PGM5: variants seen among roughly 807,000 people sequenced by gnomAD.
PGM5 encodes phosphoglucomutase 5.
Under a neutral mutation model 59.2 loss-of-function variants are expected in PGM5, and 23 were observed. The observed-to-expected ratio is 0.39, with a 90% CI of 0.28 to 0.55. The LOEUF is 0.55. PGM5 is among the 20% of genes least tolerant of loss of function. PGM5 has a pLI of 0.66. For synonymous variants in PGM5, 214 were observed against 286.0 expected (o/e 0.75, Z 2.54); for missense variants, 574 against 748.3 (o/e 0.77, Z 2.72).
intron 6 of PGM5, among the ~76,000 whole-genome samples, chr9:68,457,314 T>A (rs1223425465): frequency 1.3e-5 from 2 of 152,176 alleles, no homozygotes; most frequent in East Asian, 3.8e-4. Flanking sequence ...GACAGTGAGG[T>A]CCCTGTGGCC....
chr9:68,422,745 G>T lies in PGM5; in HGVS notation c.1043+30272G>T, dbSNP rs540587502. Among the ~76,000 whole-genome samples, 7 of 152,236 alleles carry T rather than the reference G, an allele frequency of 4.6e-5. No individual in the cohort carries two copies. In the South Asian group the frequency reaches 1.4e-3, roughly 32 times the overall value. ...AATTAAAAAAATTTTTTTCCCATAG[G>T]TTATTGGGAAACAGGTGGTGTTTGG... is the stretch of plus-strand genomic sequence containing the variant. On this transcript the variant is annotated intron_variant, in intron 6 of 10. Transcript: ENST00000396396.
chr9:68,461,356 A>T (rs1823856023), intron 6 of PGM5, among the ~76,000 whole-genome samples: 1 of 152,192 alleles, frequency 6.6e-6, no homozygotes, highest in African/African-American at 2.4e-5. Context: ...GCCACAGCTA[A>T]TTTCAAGGGA....
At chr9:68,517,913 A>G (rs1824846245) in intron 10 of PGM5, among the ~76,000 whole-genome samples, 1 of 152,232 alleles carries the variant, frequency 6.6e-6, no homozygotes, top group Admixed American at 6.5e-5. Flanking sequence ...AAAATGAGCC[A>G]AAGCTCTTTC....
intron 6 of PGM5, among the ~76,000 whole-genome samples, chr9:68,453,592 C>T (rs573387201): frequency 5.1e-4 from 78 of 152,362 alleles, no homozygotes; most frequent in Non-Finnish European, 7.3e-4. Context: ...CCTCCTTGGC[C>T]TCCCAAAGTG....
chr9:68,520,260 G>C (rs1379532823), intron 10 of PGM5, among the ~76,000 whole-genome samples: 3 of 150,974 alleles, frequency 2.0e-5, no homozygotes, highest in Admixed American at 1.3e-4. Flanking sequence ...CATTGCTAAA[G>C]ATAAAGAGAG....
At chr9:68,489,128 A>C (rs1412867278) in intron 9 of PGM5, among the ~76,000 whole-genome samples, 1 of 152,158 alleles carries the variant, frequency 6.6e-6, no homozygotes, top group African/African-American at 2.4e-5. Context: ...GTCTCTTACT[A>C]TGATCTTTTC....
chr9:68,431,054 C>T (rs547897081), intron 6 of PGM5, among the ~76,000 whole-genome samples: 66 of 152,288 alleles, frequency 4.3e-4, no homozygotes, highest in African/African-American at 1.5e-3. Context: ...CACCAAGTTT[C>T]AGGGCAGTGT....
intron 6 of PGM5, among the ~76,000 whole-genome samples, chr9:68,393,548 C>A (rs1187364352): frequency 6.6e-6 from 1 of 151,954 alleles, no homozygotes; most frequent in Non-Finnish European, 1.5e-5. Context: ...GAATTCAAGA[C>A]CAGCCTGGAT....
At chr9:68,379,052 T>G (rs757518541) in intron 2 of PGM5, among the ~76,000 whole-genome samples, 6 of 152,196 alleles carry the variant, frequency 3.9e-5, no homozygotes, top group African/African-American at 1.2e-4. Flanking sequence ...ACCCAAATAT[T>G]TTTGTATGCA....
At chr9:68,479,723 A>T (rs1268988928) in intron 8 of PGM5, among the ~76,000 whole-genome samples, 170 bp downstream of exon 8, 1 of 152,166 alleles carries the variant, frequency 6.6e-6, no homozygotes, top group Non-Finnish European at 1.5e-5. Context: ...TCACGAGGTC[A>T]GGAGATCGAG....
chr9:68,405,155 C>T (rs1406546442), intron 6 of PGM5: 1 of 152,164 alleles, frequency 6.6e-6, no homozygotes, highest in African/African-American at 2.4e-5. Flanking sequence ...CAAGTCTTGA[C>T]TTTGGTTGGG....
intron 1 of PGM5, among the ~76,000 whole-genome samples, chr9:68,366,916 G>A (rs149485390): frequency 1.1e-3 from 166 of 152,332 alleles, no homozygotes; most frequent in African/African-American, 3.8e-3. Context: ...GATCATGTGT[G>A]TTTTTGTCCC....
At chr9:68,401,366 GCT>G (rs1822662573) in intron 6 of PGM5, among the ~76,000 whole-genome samples, 1 of 151,600 alleles carries the variant, frequency 6.6e-6, no homozygotes, top group Non-Finnish European at 1.5e-5. Flanking sequence ...TTGGAAGTCA[GCT>G]CTCTTTTATC....
At chr9:68,503,247 T>C (rs1824606599) in intron 10 of PGM5, among the ~76,000 whole-genome samples, 3 of 152,180 alleles carry the variant, frequency 2.0e-5, no homozygotes, top group Admixed American at 1.3e-4. Flanking sequence ...AATAAACCCA[T>C]CATAAGTTGA....
At chr9:68,415,050 A>G (rs1179036353) in intron 6 of PGM5, among the ~76,000 whole-genome samples, 1 of 149,166 alleles carries the variant, frequency 6.7e-6, no homozygotes, top group Non-Finnish European at 1.5e-5. Flanking sequence ...AGAAGGCACC[A>G]TGTTATGTGC....
At chr9:68,465,710 C>CT (rs1239133131) in intron 7 of PGM5, among the ~76,000 whole-genome samples, 2 of 152,124 alleles carry the variant, frequency 1.3e-5, no homozygotes, top group South Asian at 2.1e-4. Flanking sequence ...AAAACGTTTT[C>CT]TTTTTTTACA....
At chr9:68,387,397 T>C in intron 3 of PGM5, 66 bp from the exon 4 acceptor site, 1 of 1,342,628 alleles carries the variant, frequency 7.4e-7, no homozygotes, top group Non-Finnish European at 1.1e-6. Context: ...AGTGATTCTT[T>C]TTATGCTTCC....
rs117799777 is a variant in PGM5 at position 68,526,192 on chromosome 9, A to G, written c.1615-3375A>G. Among the ~76,000 whole-genome samples the G allele has an allele frequency of 4.1e-4, 62 of 152,330 alleles. 2 individuals are homozygous for G. The East Asian group carries it at 0.012, about 29-fold the overall frequency. On this transcript the variant is annotated intron_variant, in intron 10 of 10. Coordinates refer to ENST00000396396, the MANE Select transcript of PGM5 (RefSeq NM_021965.4). Reference sequence around the variant, plus strand: ...TCCTGGGGTCATACAAAATCTAAAGAAGTTCTGTGGTTCCTGGAAAATGGC... The same window carrying G: ...TCCTGGGGTCATACAAAATCTAAAGGAGTTCTGTGGTTCCTGGAAAATGGC...
intron 6 of PGM5, among the ~76,000 whole-genome samples, chr9:68,418,548 C>G (rs1453161507): frequency 1.3e-5 from 2 of 152,014 alleles, no homozygotes; most frequent in Non-Finnish European, 2.9e-5. Context: ...AGAAAGGATG[C>G]TTTGTGTTCA....
Sources: gnomAD v4.1 joint callset for allele counts (sites outside exome capture counted in the v4.1 genomes callset) on GRCh38, gnomAD v4.1.1 for gene constraint, MANE v1.5 for transcripts, NCBI Gene and HGNC (gene_info 2026-07-23, HGNC 2026-07-21) for gene names.